COL6A5: variants seen among roughly 807,000 people sequenced by gnomAD.
COL6A5 encodes collagen alpha-5(VI) chain.
A neutral mutation model predicts 65.6 loss-of-function variants in COL6A5; 48 were observed. That is an observed-to-expected ratio of 0.73 (90% CI 0.58 to 0.93). COL6A5 has a LOEUF of 0.93. Among genes scored for constraint, COL6A5 ranks in the 40% least tolerant of loss-of-function variants. The pLI is 0.00. For synonymous variants in COL6A5, 291 were observed against 322.8 expected, an observed-to-expected ratio of 0.90 and a Z score of 1.05; for missense variants, 914 against 928.3, an observed-to-expected ratio of 0.98 and a Z score of 0.20.
At chr3:130,369,519 A>G (rs1363344570) in intron 1 of COL6A5, among the ~76,000 whole-genome samples, 4 of 152,146 alleles carry the variant, frequency 2.6e-5, no homozygotes, top group Admixed American at 2.0e-4. Flanking sequence ...ATATTTTGCT[A>G]AATTAAGCTT....
chr3:130,469,318 C>T, exon 6 of COL6A5: 2 of 1,612,940 alleles, frequency 1.2e-6, no homozygotes, highest in South Asian at 1.1e-5. Context: ...GTCAAGGCTA[C>T]TCCATATTTG....
intron 1 of COL6A5, among the ~76,000 whole-genome samples, chr3:130,435,538 C>T (rs1296017903): frequency 1.3e-5 from 2 of 152,084 alleles, no homozygotes; most frequent in Non-Finnish European, 2.9e-5. Flanking sequence ...GGCAGTATGA[C>T]CATTTTCATA....
At position 130,385,365 on chromosome 3, in the gene COL6A5, G is replaced by A; in HGVS notation, c.1861+1G>A. The A allele has an allele frequency of 1.9e-6, 3 of 1,547,188 alleles. No individual in the cohort carries two copies. The highest frequency in any genetic ancestry group is 4.0e-5 in the Admixed American group (2 of 50,204). On this transcript the variant is annotated splice_donor_variant and NMD_transcript_variant, in intron 5 of 41. Transcript: ENST00000312481. ...GTTCGTGAAATCTGCGCTGAAAAAG[G>A]TAAGCAACACAAAAAAGGCTTTATT...
intron 4 of COL6A5, among the ~76,000 whole-genome samples, chr3:130,451,764 A>G (rs1227559069): frequency 6.6e-6 from 1 of 152,064 alleles, no homozygotes; most frequent in Non-Finnish European, 1.5e-5. Flanking sequence ...AGGAGTAGCC[A>G]GAGGGAGAGG....
intron 7 of COL6A5, 130 bp from the exon 8 acceptor site, chr3:130,394,760 C>T: frequency 3.0e-6 from 2 of 661,006 alleles, no homozygotes; most frequent in Middle Eastern, 8.2e-4. Context: ...GATTCTCTCT[C>T]TTGTTAACTT....
chr3:130,428,208 T>G (rs1937649659), upstream of COL6A5, among the ~76,000 whole-genome samples: 2 of 152,120 alleles, frequency 1.3e-5, no homozygotes, highest in Admixed American at 1.3e-4. Flanking sequence ...GGGCACTGAT[T>G]GGATAACACG....
At chr3:130,469,576 G>A (rs991021764) in intron 6 of COL6A5, 95 bp downstream of exon 38, 1 of 998,804 alleles carries the variant, frequency 1.0e-6, no homozygotes, top group African/African-American at 1.6e-5. Flanking sequence ...CCTCACTTCA[G>A]TTAAGAGTGG....
At chr3:130,410,155 G>A in intron 19 of COL6A5, 81 bp downstream of exon 19, 3 of 1,026,298 alleles carry the variant, frequency 2.9e-6, no homozygotes, top group East Asian at 2.6e-5. Flanking sequence ...TAACCCTTCT[G>A]TAATTGAACA....
chr3:130,483,302 A>G (rs1280848255), intron 7 of COL6A5, among the ~76,000 whole-genome samples: 2 of 152,206 alleles, frequency 1.3e-5, no homozygotes, highest in Non-Finnish European at 2.9e-5. Context: ...CGACACTATG[A>G]AGAAGCTGTG....
exon 3 of COL6A5, chr3:130,376,474 A>G (rs769745979): frequency 1.2e-6 from 2 of 1,611,682 alleles, no homozygotes; most frequent in Admixed American, 1.7e-5. Context: ...AAGAACTTTC[A>G]GTTCATTGGC....
chr3:130,483,769 A>G (rs984576980), intron 7 of COL6A5, among the ~76,000 whole-genome samples: 1 of 152,192 alleles, frequency 6.6e-6, no homozygotes, highest in African/African-American at 2.4e-5. Context: ...TAATAATACC[A>G]GCCACTAAAT....
intron 4 of COL6A5, among the ~76,000 whole-genome samples, chr3:130,444,522 C>G (rs546247575): frequency 1.9e-4 from 29 of 152,226 alleles, no homozygotes; most frequent in East Asian, 3.9e-4. Flanking sequence ...TGGCTTCAGC[C>G]GGTCCCTCCG....
At chr3:130,472,377 G>A (rs2107617947) in intron 7 of COL6A5, among the ~76,000 whole-genome samples, 1 of 152,090 alleles carries the variant, frequency 6.6e-6, no homozygotes, top group Non-Finnish European at 1.5e-5. Flanking sequence ...GACCTGGAGA[G>A]GACAAGGCCA....
intron 5 of COL6A5, among the ~76,000 whole-genome samples, chr3:130,458,340 A>G (rs144115594): frequency 8.3e-4 from 126 of 152,142 alleles, no homozygotes; most frequent in Non-Finnish European, 1.5e-3. Flanking sequence ...TACAAACTTT[A>G]TAACCATTGT....
chr3:130,387,778 T>A (rs771667737), intron 5 of COL6A5, among the ~76,000 whole-genome samples: 18 of 152,036 alleles, frequency 1.2e-4, no homozygotes, highest in African/African-American at 1.4e-4. Context: ...AAAAGATACA[T>A]GCTAAAGACA....
upstream of COL6A5, among the ~76,000 whole-genome samples, chr3:130,426,767 G>T (rs1577498491): frequency 1.3e-5 from 2 of 151,786 alleles, no homozygotes; most frequent in African/African-American, 2.4e-5. Flanking sequence ...GGACTAGTCG[G>T]TTACTCAGTT....
chr3:130,406,919 T>C (rs540405489), intron 17 of COL6A5, among the ~76,000 whole-genome samples: 1 of 152,286 alleles, frequency 6.6e-6, no homozygotes, highest in East Asian at 1.9e-4. Flanking sequence ...TCTTATATAA[T>C]AAGAATCAGA....
intron 13 of COL6A5, among the ~76,000 whole-genome samples, chr3:130,405,387 G>C (rs1177917752): frequency 6.6e-6 from 1 of 152,148 alleles, no homozygotes; most frequent in African/African-American, 2.4e-5. Context: ...CCTGAAGGTT[G>C]ACAGGAAACA....
chr3:130,363,456 C>G (rs1415811147), intron 1 of COL6A5, among the ~76,000 whole-genome samples: 1 of 152,142 alleles, frequency 6.6e-6, no homozygotes, highest in Non-Finnish European at 1.5e-5. Flanking sequence ...GCCTCTCATC[C>G]TCTCTTCCAC....
Sources: allele counts gnomAD v4.1 joint callset (sites outside exome capture counted in the v4.1 genomes callset), GRCh38; gene constraint gnomAD v4.1.1; transcripts MANE v1.5; gene names NCBI Gene and HGNC (gene_info 2026-07-23, HGNC 2026-07-21).